The following TBC1D8 variants were observed in gnomAD, a reference collection of about 807,000 sequenced individuals.
TBC1D8 encodes TBC1 domain family member 8.
Under a neutral mutation model 118.8 loss-of-function variants are expected in TBC1D8, and 65 were observed. That is an observed-to-expected ratio of 0.55 (90% CI 0.45 to 0.67). The LOEUF (loss-of-function observed/expected upper bound fraction) is 0.67. Ranked by LOEUF, TBC1D8 falls within the 30% of genes least tolerant of loss-of-function variation. The pLI, the probability that TBC1D8 is intolerant of heterozygous loss-of-function variation, is 0.00. For synonymous variants in TBC1D8, 566 were observed against 595.8 expected (o/e 0.95, Z 0.73); for missense variants, 1,376 against 1,471.2 (o/e 0.94, Z 1.06).
At chr2:101,036,250 GA>G in intron 8 of TBC1D8, 82 bp from the exon 9 acceptor site, 1 of 1,521,126 alleles carries the variant, frequency 6.6e-7, no homozygotes, top group Non-Finnish European at 9.0e-7. Context: ...GGCAATGGAG[GA>G]AGTACTGCCC....
chr2:101,106,543 A>G (rs960123391), intron 1 of TBC1D8, among the ~76,000 whole-genome samples: 10 of 152,200 alleles, frequency 6.6e-5, no homozygotes, highest in Admixed American at 2.6e-4. Context: ...AAAGAACCAT[A>G]CACAAGTACA....
At chr2:101,058,214 CAAG>C (rs1342879036) in intron 3 of TBC1D8, among the ~76,000 whole-genome samples, 1 of 152,178 alleles carries the variant, frequency 6.6e-6, no homozygotes, top group South Asian at 2.1e-4. Context: ...GGTATAACTC[CAAG>C]AAGACATTGT....
intron 2 of TBC1D8, among the ~76,000 whole-genome samples, chr2:101,081,607 C>A (rs1162560966): frequency 6.6e-6 from 1 of 152,200 alleles, no homozygotes; most frequent in Non-Finnish European, 1.5e-5. Context: ...GGACCCCCAC[C>A]CTGGCTGCCT....
intron 10 of TBC1D8, 159 bp downstream of exon 10, chr2:101,033,385 C>G (rs1227569480): frequency 2.8e-5 from 24 of 844,328 alleles, no homozygotes; most frequent in Non-Finnish European, 4.5e-5. Context: ...GTCCCTTTGG[C>G]CCTCATTTGA....
At chr2:101,017,889 A>G in intron 17 of TBC1D8, 2 of 1,550,952 alleles carry the variant, frequency 1.3e-6, no homozygotes, top group Non-Finnish European at 1.7e-6. Flanking sequence ...TTCAAAACAG[A>G]TTGTCACCAT....
chr2:101,022,235 A>T (rs1399097271), intron 16 of TBC1D8, 46 bp downstream of exon 16: 1 of 1,611,878 alleles, frequency 6.2e-7, no homozygotes, highest in Admixed American at 1.7e-5. Context: ...CTGCTCACAG[A>T]CCCACACCCC....
chr2:101,034,619 GTGTGTCTGTGCAGGCA>G (rs1680888606), intron 9 of TBC1D8, among the ~76,000 whole-genome samples: 1 of 152,172 alleles, frequency 6.6e-6, no homozygotes, highest in African/African-American at 2.4e-5. Flanking sequence ...GTGTGTGCAC[GTGTGTCTGTGCAGGCA>G]TGTGTGTGTG....
At chr2:101,012,982 A>G (rs1004388573) in intron 17 of TBC1D8, among the ~76,000 whole-genome samples, 9 of 152,242 alleles carry the variant, frequency 5.9e-5, no homozygotes, top group African/African-American at 2.2e-4. Flanking sequence ...GGCAGTCAGG[A>G]TGGAAATGGA....
chr2:101,142,738 G>A (rs185735216), intron 1 of TBC1D8, among the ~76,000 whole-genome samples: 76 of 152,156 alleles, frequency 5.0e-4, no homozygotes, highest in South Asian at 3.9e-3. Context: ...TATTGATTAC[G>A]AATACATATA....
At chr2:101,138,443 G>A (rs1678953109) in intron 1 of TBC1D8, among the ~76,000 whole-genome samples, 1 of 152,050 alleles carries the variant, frequency 6.6e-6, no homozygotes, top group African/African-American at 2.4e-5. Flanking sequence ...TAACTACCTG[G>A]AATTAGTGCA....
chr2:101,079,341 T>C (rs955065775), intron 2 of TBC1D8, among the ~76,000 whole-genome samples: 13 of 152,196 alleles, frequency 8.5e-5, no homozygotes, highest in African/African-American at 3.1e-4. Flanking sequence ...TAGAGAAAAG[T>C]CTGATTCCAG....
chr2:101,106,291 A>G (rs1287157203), intron 1 of TBC1D8, among the ~76,000 whole-genome samples: 1 of 152,228 alleles, frequency 6.6e-6, no homozygotes, highest in Non-Finnish European at 1.5e-5. Context: ...TTGTGGATGC[A>G]TGACACTGTG....
At chr2:101,094,829 C>A (rs1478128661) in intron 1 of TBC1D8, among the ~76,000 whole-genome samples, 1 of 152,098 alleles carries the variant, frequency 6.6e-6, no homozygotes, top group African/African-American at 2.4e-5. Flanking sequence ...ACAAGGTGAA[C>A]AAATTGAAAA....
intron 1 of TBC1D8, among the ~76,000 whole-genome samples, chr2:101,133,828 G>A (rs1678705951): frequency 6.6e-6 from 1 of 152,180 alleles, no homozygotes; most frequent in African/African-American, 2.4e-5. Context: ...GCTCTGCATG[G>A]CTGGGGAGGC....
intron 5 of TBC1D8, among the ~76,000 whole-genome samples, chr2:101,045,690 T>C (rs1473714534): frequency 6.6e-6 from 1 of 152,118 alleles, no homozygotes; most frequent in African/African-American, 2.4e-5. Flanking sequence ...TGGCTCTACG[T>C]GATGTGCTCC....
At chr2:101,082,838 T>C (rs766028129) in intron 2 of TBC1D8, among the ~76,000 whole-genome samples, 4 of 128,646 alleles carry the variant, frequency 3.1e-5, no homozygotes, top group Non-Finnish European at 5.1e-5. Flanking sequence ...AAAAAAGTTC[T>C]GGAGATGGAT....
intron 15 of TBC1D8, chr2:101,023,578 C>A: frequency 2.4e-6 from 1 of 408,772 alleles, no homozygotes. Context: ...ATTTTTAATA[C>A]TTTCTCAATT....
At chr2:101,022,908 C>T (rs1008345110) in intron 15 of TBC1D8, among the ~76,000 whole-genome samples, 4 of 151,896 alleles carry the variant, frequency 2.6e-5, no homozygotes, top group East Asian at 2.0e-4. Flanking sequence ...TTTGGGAGAC[C>T]GAGGTGGGTG....
In TBC1D8 at chr2:101,037,473, A is replaced by AC. The variant is rs1027381775; in HGVS notation, c.1452+58dup. The AC allele has an allele frequency of 4.3e-5, 67 of 1,574,330 alleles. No individual in the cohort carries two copies. In the Admixed American group the frequency reaches 5.6e-4, roughly 13 times the overall value. On this transcript the variant is annotated intron_variant, in intron 8 of 19. Transcript: ENST00000409318. ...CCATGGTGACTCAGACAGCTGGGCA[A>AC]CCCCCCCAAGCCCACGGCTCAGCTT...
Sources: allele counts gnomAD v4.1 joint callset (sites outside exome capture counted in the v4.1 genomes callset), GRCh38; gene constraint gnomAD v4.1.1; transcripts MANE v1.5; gene names NCBI Gene and HGNC (gene_info 2026-07-23, HGNC 2026-07-21).